The following ZSCAN20 variants were observed in gnomAD, a reference collection of about 807,000 sequenced individuals.
The protein encoded by ZSCAN20 is zinc finger and SCAN domain-containing protein 20.
In ZSCAN20, 39 loss-of-function variants were observed where a neutral mutation model predicts 97.1. The observed-to-expected ratio is 0.40, with a 90% CI of 0.31 to 0.52. The LOEUF (loss-of-function observed/expected upper bound fraction) is 0.52. ZSCAN20 is among the 20% of genes least tolerant of loss of function. The pLI, the probability that ZSCAN20 is intolerant of heterozygous loss-of-function variation, is 0.49. For missense variants in ZSCAN20, 1,115 were observed against 1,290.4 expected (o/e 0.86, Z 2.08); for synonymous variants, 456 against 467.3 (o/e 0.98, Z 0.31).
chr1:33,480,649 G>A (rs1012184244), intron 2 of ZSCAN20, among the ~76,000 whole-genome samples: 21 of 152,314 alleles, frequency 1.4e-4, no homozygotes, highest in Middle Eastern at 3.4e-3. Context: ...ATTGCCATTT[G>A]CCAAATGGGT....
At chr1:33,487,171 C>CG (rs1652401998) in intron 2 of ZSCAN20, among the ~76,000 whole-genome samples, 1 of 152,010 alleles carries the variant, frequency 6.6e-6, no homozygotes, top group African/African-American at 2.4e-5. Flanking sequence ...GGGAAAAGAA[C>CG]GGGGTCGATG....
rs1425119694 is a variant in ZSCAN20, at chr1:33,488,569, G to A, written c.522G>A (p.Gln174=). ...ATCCCTGGCCTGAGGGACAGTCCCA[G>A]AAGAAGGGGGTGAAGAATACATGCC... is the stretch of plus-strand genomic sequence containing the variant. ...PVDPWPEGQS[Q]KKGVKNTCPD... Residue 174 remains glutamine (Q), a synonymous_variant, in exon 3 of 8, where the codon CAG becomes CAA. Transcript: ENST00000684572. 1 of 1,613,366 alleles carries A rather than the reference G, an allele frequency of 6.2e-7. No homozygotes were observed. Among genetic ancestry groups the A allele is most frequent in the East Asian group, 2.2e-5 (1 of 44,880 alleles).
In ZSCAN20 at chr1:33,500,367, G is replaced by T. The variant is rs1322727176; in HGVS notation, c.*4891G>T. On this transcript the variant is annotated 3_prime_UTR_variant, in exon 8 of 8. Transcript: ENST00000684572. ...CACCCCAGTAACCCCATTTTATGCTGCTTGGAGGAAGAGACAGAGAGTTTG... is the reference window on the plus strand; with the variant it reads ...CACCCCAGTAACCCCATTTTATGCTTCTTGGAGGAAGAGACAGAGAGTTTG... Among the ~76,000 whole-genome samples the T allele has an allele frequency of 6.9e-6, 1 of 144,968 alleles. No individual in the cohort carries two copies. Among genetic ancestry groups the T allele is most frequent in the African/African-American group, 2.7e-5 (1 of 37,466 alleles).
At position 33,498,374 on chromosome 1, in the gene ZSCAN20, T is replaced by G. The variant is rs1253681166; in HGVS notation, c.*2898T>G. 6.6e-6 allele frequency among the ~76,000 whole-genome samples: 1 copy of G among 152,226 alleles called. No individual in the cohort carries two copies. Among genetic ancestry groups the G allele is most frequent in the Non-Finnish European group, 1.5e-5 (1 of 68,044 alleles). On this transcript the variant is annotated 3_prime_UTR_variant, in exon 8 of 8. Coordinates refer to ENST00000684572, the MANE Select transcript of ZSCAN20 (RefSeq NM_001377376.1). ...ATGAATCTTAATAGAGGTTCAGTCATGAAAGCAAGGCCAGTGTGGGCCAGG... is the reference window on the plus strand; with the variant it reads ...ATGAATCTTAATAGAGGTTCAGTCAGGAAAGCAAGGCCAGTGTGGGCCAGG...
intron 2 of ZSCAN20, among the ~76,000 whole-genome samples, chr1:33,486,110 TAAG>T (rs1652355588): frequency 6.6e-6 from 1 of 152,208 alleles, no homozygotes; most frequent in African/African-American, 2.4e-5. Context: ...CAGGACTTAT[TAAG>T]AAGAGCAGAG....
rs527543590 is a variant in ZSCAN20 at position 33,501,480 on chromosome 1, G to A, written c.*6004G>A. On this transcript the variant is annotated 3_prime_UTR_variant, in exon 8 of 8. Coordinates refer to ENST00000684572, the MANE Select transcript of ZSCAN20 (RefSeq NM_001377376.1). ...AGGCCCTTTTGTTTTGCAATTTGTG[G>A]ACCAATCCCTGGCTTCATTTTATTT... 1.3e-5 allele frequency among the ~76,000 whole-genome samples: 2 copies of A among 151,528 alleles called. No homozygotes were observed. The highest frequency in any genetic ancestry group is 4.2e-4 in the South Asian group (2 of 4,802).
In ZSCAN20 at chr1:33,493,950, C is replaced by A. The variant is rs1165053060; in HGVS notation, c.1874-268C>A. The stretch of plus-strand genomic sequence containing the variant: ...GGAGTTTGATGGGGAAACAGGTTGG[C>A]TGTGGCTGCTGGGCTGAGCCCCATG... On this transcript the variant is annotated intron_variant, in intron 7 of 7. Coordinates refer to ENST00000684572, the MANE Select transcript of ZSCAN20 (RefSeq NM_001377376.1). The surrounding 1 kb of genome is among the most constrained non-coding windows in gnomAD (Gnocchi z 4.3). 2.0e-5 allele frequency among the ~76,000 whole-genome samples: 3 copies of A among 152,188 alleles called. No individual in the cohort carries two copies. The East Asian group carries it at 5.8e-4, about 29-fold the overall frequency.
At chr1:33,483,555 T>A (rs1034755499) in intron 2 of ZSCAN20, among the ~76,000 whole-genome samples, 3 of 151,704 alleles carry the variant, frequency 2.0e-5, no homozygotes, top group African/African-American at 7.3e-5. Context: ...AAACTGCACA[T>A]GGCCAGGTGC....
In ZSCAN20 at chr1:33,479,117, G is replaced by A. The variant is rs549735128; in HGVS notation, c.-110-62G>A. 9.8e-5 allele frequency: 64 copies of A among 653,582 alleles called. 1 individual carries two copies. The South Asian group carries it at 1.6e-3, about 16-fold the overall frequency. 40.5% of individuals were successfully genotyped at this position (653,582 alleles called of 1,614,324 possible). On this transcript the variant is annotated intron_variant, in intron 1 of 7. Coordinates refer to ENST00000684572, the MANE Select transcript of ZSCAN20 (RefSeq NM_001377376.1). ...AAAGGTGGCGGAAGATATGGGGGAA[G>A]GGGGAGAATGAAGCTTCTGCATCCT...
intron 1 of ZSCAN20, among the ~76,000 whole-genome samples, chr1:33,473,357 C>T (rs1410836684): frequency 6.6e-6 from 1 of 152,154 alleles, no homozygotes; most frequent in Non-Finnish European, 1.5e-5. Context: ...GTAGGGTTTT[C>T]GCAGAAGCCT....
In ZSCAN20 at chr1:33,479,368, A is replaced by G. The variant is rs766783148; in HGVS notation, c.80A>G (p.Glu27Gly). The G allele has an allele frequency of 2.5e-6, 4 of 1,614,248 alleles. No individual in the cohort carries two copies. Among genetic ancestry groups the G allele is most frequent in the Non-Finnish European group, 3.4e-6 (4 of 1,180,044 alleles). The change falls in exon 2 of 8, where the codon GAG becomes GGG. Residue 27 changes from glutamate (E) to glycine (G), a missense_variant. Physicochemically the swap from Glu to Gly is moderately conservative, Grantham distance 98. Around this residue, in one of 3 missense-constraint regions of ZSCAN20, gnomAD observed 508 missense variants for 611.2 expected, o/e 0.83. Transcript: ENST00000684572. The stretch of plus-strand genomic sequence containing the variant: ...GAACTCCTGATTGTGAAACTGGAAG[A>G]GGACTCTTGGGGATCAGAATCCAAA... ...PEELLIVKLE[E>G]DSWGSESKLW...
Position 33,494,423 on chromosome 1 carries a change from C to T in ZSCAN20, c.2079C>T (p.Asp693=). 6.2e-7 allele frequency: 1 copy of T among 1,613,410 alleles called. No individual in the cohort carries two copies. Among genetic ancestry groups the T allele is most frequent in the Non-Finnish European group, 8.5e-7 (1 of 1,179,652 alleles). The change falls in exon 8 of 8, where the codon GAC becomes GAT. Residue 693 remains aspartate (D), a synonymous_variant. Transcript: ENST00000684572. The part of the protein sequence containing the change: ...EQWQESSSEE[D]LEKLIDHQGL... ...GGCAAGAAAGTTCTTCTGAAGAGGA[C>T]TTAGAAAAACTTATTGACCATCAAG...
chr1:33,473,851 G>C (rs2148440060), intron 1 of ZSCAN20, among the ~76,000 whole-genome samples: 2 of 152,256 alleles, frequency 1.3e-5, no homozygotes, highest in Middle Eastern at 3.4e-3. Context: ...AATCACCTCT[G>C]TTTCCCCATT....
chr1:33,476,498 G>A (rs1651944596), intron 1 of ZSCAN20, among the ~76,000 whole-genome samples: 2 of 152,208 alleles, frequency 1.3e-5, no homozygotes, highest in Admixed American at 1.3e-4. Context: ...GTAGTGTCCT[G>A]TTTGTGCAGG....
chr1:33,473,640 T>C (rs565289058), intron 1 of ZSCAN20, among the ~76,000 whole-genome samples: 73 of 152,302 alleles, frequency 4.8e-4, no homozygotes, highest in African/African-American at 1.7e-3. Context: ...CTCCTTGCCC[T>C]TCACCTTCTT....
Position 33,491,311 on chromosome 1 carries a change from C to T in ZSCAN20, c.1053C>T (p.His351=). The part of the protein sequence containing the change: ...SPFSEKLRTC[H]QNRQVYRAIA... ...TCTCTGAAAAGCTCCGGACTTGTCA[C>T]CAGAACCGCCAGGTATATCGGGCCA... Residue 351 remains histidine, a synonymous_variant, in exon 6 of 8, where the codon CAC becomes CAT. Coordinates refer to ENST00000684572, the MANE Select transcript of ZSCAN20 (RefSeq NM_001377376.1). The surrounding 1 kb of genome is among the most constrained non-coding windows in gnomAD (Gnocchi z 4.3). 8 of 1,614,126 alleles carry T rather than the reference C, an allele frequency of 5.0e-6. No homozygotes were observed. In the Middle Eastern group the frequency reaches 4.9e-4, roughly 100 times the overall value.
chr1:33,475,727 T>G (rs1433214993), intron 1 of ZSCAN20, among the ~76,000 whole-genome samples: 1 of 152,014 alleles, frequency 6.6e-6, no homozygotes, highest in Non-Finnish European at 1.5e-5. Flanking sequence ...TGGCACGATC[T>G]CAGCTCACTG....
At chr1:33,482,499 A>G (rs1304430201) in intron 2 of ZSCAN20, among the ~76,000 whole-genome samples, 1 of 152,196 alleles carries the variant, frequency 6.6e-6, no homozygotes, top group Non-Finnish European at 1.5e-5. Context: ...GTTCCATCAA[A>G]GTTTTGGCAG....
Position 33,491,284 on chromosome 1 carries a change from T to C in ZSCAN20, c.1026T>C (p.Pro342=). Residue 342 remains proline (P), a synonymous_variant, in exon 6 of 8, where the codon CCT becomes CCC. Coordinates refer to ENST00000684572, the MANE Select transcript of ZSCAN20 (RefSeq NM_001377376.1). This position sits in a 1 kb window ranked among gnomAD's most constrained non-coding sequence, Gnocchi z 4.3. ...KTFLAILSES[P]FSEKLRTCHQ... Reference sequence around the variant, plus strand: ...TCCTGGCAATTTTGAGTGAATCTCCTTTCTCTGAAAAGCTCCGGACTTGTC... The same window carrying C: ...TCCTGGCAATTTTGAGTGAATCTCCCTTCTCTGAAAAGCTCCGGACTTGTC... The C allele has an allele frequency of 1.2e-6, 2 of 1,614,190 alleles. No homozygotes were observed. Among genetic ancestry groups the C allele is most frequent in the Non-Finnish European group, 1.7e-6 (2 of 1,180,036 alleles).
Sources: gnomAD v4.1 joint callset for allele counts (sites outside exome capture counted in the v4.1 genomes callset) on GRCh38, gnomAD v4.1.1 for gene constraint, gnomAD v4.1.1 regional missense constraint, Gnocchi (gnomAD v3.1) non-coding constraint, MANE v1.5 for transcripts, NCBI Gene and HGNC (gene_info 2026-07-23, HGNC 2026-07-21) for gene names.